Variants in FAM131B observed in about 807,000 individuals in gnomAD.
FAM131B encodes protein FAM131B.
Under a neutral mutation model 42.0 loss-of-function variants are expected in FAM131B, and 19 were observed. That is an observed-to-expected ratio of 0.45 (90% CI 0.32 to 0.66). The LOEUF is 0.66. Among genes scored for constraint, FAM131B ranks in the 30% least tolerant of loss-of-function variants. The pLI is 0.05. For missense variants in FAM131B, 370 were observed against 468.4 expected, an observed-to-expected ratio of 0.79 and a Z score of 1.94; for synonymous variants, 183 against 177.6, an observed-to-expected ratio of 1.03 and a Z score of -0.24.
At chr7:143,361,601 A>C (rs2116477593) in intron 1 of FAM131B, 1 of 144,564 alleles carries the variant, frequency 6.9e-6, no homozygotes, top group African/African-American at 2.5e-5. Context: ...AGGCGGGAGA[A>C]ATTGGGAGTT....
Position 143,354,559 on chromosome 7 carries a change from G to A in FAM131B, c.*1991C>T, listed in dbSNP as rs967262840. The A allele has an allele frequency of 6.6e-6, 1 of 152,196 alleles. No homozygotes were observed. The highest frequency in any genetic ancestry group is 1.5e-5 in the Non-Finnish European group (1 of 68,074). 9.4% of individuals were successfully genotyped at this position (152,196 alleles called of 1,614,324 possible). A position where few individuals can be genotyped will look rare whatever the true frequency, so the allele number is the denominator to read the frequency against. ...AACCCCAGAGCCTGCAGCAGGAGACGGGTGGGGAATAGCTGCCAGGGCGGG... is the reference window on the plus strand; with the variant it reads ...AACCCCAGAGCCTGCAGCAGGAGACAGGTGGGGAATAGCTGCCAGGGCGGG... On this transcript the variant is annotated 3_prime_UTR_variant, in exon 7 of 7. Coordinates refer to ENST00000443739, the MANE Select transcript of FAM131B (RefSeq NM_001031690.3).
chr7:143,372,051 AGAG>A, the FAM131B span, among the ~76,000 whole-genome samples: 39 of 152,266 alleles, frequency 2.6e-4, no homozygotes, highest in Middle Eastern at 3.4e-3. Flanking sequence ...ATGTGGAGAG[AGAG>A]GAGAAGGTCT....
the FAM131B span, chr7:143,380,632 G>A: frequency 1.0e-6 from 1 of 985,534 alleles, no homozygotes; most frequent in Non-Finnish European, 1.2e-6. The surrounding 1 kb of genome is among the most constrained non-coding windows in gnomAD (Gnocchi z 5.0). Context: ...GGGCGCTGGG[G>A]ATGCGAATTC....
At chr7:143,363,596 G>A (rs1157587064), upstream of FAM131B, among the ~76,000 whole-genome samples, 2 of 152,172 alleles carry the variant, frequency 1.3e-5, no homozygotes, top group East Asian at 3.8e-4. Flanking sequence ...AGGAGATGAA[G>A]GTCTAAGTTG....
Position 143,359,464 on chromosome 7 carries a change from C to T in FAM131B, c.175-45G>A, listed in dbSNP as rs1056647220. ...GGAAGGGCAGAGGAATAAGAAGGTA[C>T]GGGCGTGCTTTATACATGGAGGAGG... On this transcript the variant is annotated intron_variant, in intron 3 of 6. Coordinates refer to ENST00000443739, the MANE Select transcript of FAM131B (RefSeq NM_001031690.3). This position sits in a 1 kb window ranked among gnomAD's most constrained non-coding sequence, Gnocchi z 5.4. 16 of 1,456,340 alleles carry T rather than the reference C, an allele frequency of 1.1e-5. No homozygotes were observed. Among genetic ancestry groups the T allele is most frequent in the Middle Eastern group, 1.7e-4 (1 of 5,786 alleles). 90.2% of individuals were successfully genotyped at this position (1,456,340 alleles called of 1,614,324 possible). A position where few individuals can be genotyped will look rare whatever the true frequency, so the allele number is the denominator to read the frequency against.
chr7:143,367,138 T>C (rs1174253924), upstream of FAM131B, among the ~76,000 whole-genome samples: 1 of 152,168 alleles, frequency 6.6e-6, no homozygotes, highest in East Asian at 1.9e-4. Context: ...AATCAACAGA[T>C]GAGGGTCCTG....
upstream of FAM131B, among the ~76,000 whole-genome samples, chr7:143,365,535 A>G (rs964297602): frequency 6.6e-6 from 1 of 152,214 alleles, no homozygotes; most frequent in African/African-American, 2.4e-5. Flanking sequence ...TGATAATTCA[A>G]TTAACTTCCT....
At chr7:143,373,072 T>C in the FAM131B span, among the ~76,000 whole-genome samples, 22 of 152,128 alleles carry the variant, frequency 1.4e-4, no homozygotes, top group African/African-American at 4.6e-4. Flanking sequence ...ATTTATTTTT[T>C]TTCTTTTTAT....
upstream of FAM131B, among the ~76,000 whole-genome samples, chr7:143,366,339 A>G (rs1406997084): frequency 6.6e-6 from 1 of 152,146 alleles, no homozygotes; most frequent in African/African-American, 2.4e-5. Context: ...TACTGATGAT[A>G]AGTGTCTTAG....
the FAM131B span, chr7:143,381,851 G>A: frequency 7.2e-7 from 1 of 1,391,696 alleles, no homozygotes; most frequent in Non-Finnish European, 9.6e-7. Flanking sequence ...GGGAATTTGG[G>A]GATGTCTGGA....
chr7:143,382,089 C>T, the FAM131B span: 37 of 659,416 alleles, frequency 5.6e-5, no homozygotes, highest in South Asian at 6.7e-4. Context: ...CTTTCCTGAC[C>T]TGGTACTCCC....
At chr7:143,375,536 C>T in the FAM131B span, among the ~76,000 whole-genome samples, 2 of 152,148 alleles carry the variant, frequency 1.3e-5, no homozygotes, top group African/African-American at 4.8e-5. Context: ...GAAGGGCAGC[C>T]TAAGGAAGCT....
chr7:143,380,774 A>C, the FAM131B span: 3 of 984,558 alleles, frequency 3.0e-6, no homozygotes, highest in Non-Finnish European at 3.6e-6. The surrounding 1 kb of genome is among the most constrained non-coding windows in gnomAD (Gnocchi z 5.0). Context: ...CCCGCTCCTC[A>C]CCCCCCATCC....
chr7:143,361,370 A>C (rs1263093938), intron 1 of FAM131B: 1 of 124,358 alleles, frequency 8.0e-6, no homozygotes, highest in Non-Finnish European at 1.7e-5. Flanking sequence ...GTGCGGGGGG[A>C]GAGGGGAGCG....
chr7:143,375,327 G>A, the FAM131B span, among the ~76,000 whole-genome samples: 1 of 152,154 alleles, frequency 6.6e-6, no homozygotes, highest in Non-Finnish European at 1.5e-5. Context: ...CTAGCTGAAT[G>A]GCACGACTGT....
chr7:143,360,082 G>T lies in FAM131B; in HGVS notation c.96C>A (p.Thr32=). ...GGAGGCTGCTCCCGTGCAGTGAGCTGGTGCTGTCCATGTTGATTTGATCGA... is the reference window on the plus strand; with the variant it reads ...GGAGGCTGCTCCCGTGCAGTGAGCTTGTGCTGTCCATGTTGATTTGATCGA... ...KDVDQINMDS[T]SSLHGSSLHR... The change falls in exon 2 of 7, where the codon ACC becomes ACA. Residue 32 remains threonine, a synonymous_variant. Coordinates refer to ENST00000443739, the MANE Select transcript of FAM131B (RefSeq NM_001031690.3). 1 of 1,613,966 alleles carries T rather than the reference G, an allele frequency of 6.2e-7. No individual in the cohort carries two copies. The highest frequency in any genetic ancestry group is 8.5e-7 in the Non-Finnish European group (1 of 1,179,946).
upstream of FAM131B, among the ~76,000 whole-genome samples, chr7:143,363,627 TG>T: frequency 6.6e-6 from 1 of 151,402 alleles, no homozygotes; most frequent in Non-Finnish European, 1.5e-5. Flanking sequence ...ATGAGCACTG[TG>T]GTTACAGCAG....
chr7:143,361,914 T>A, intron 1 of FAM131B: 2 of 268,608 alleles, frequency 7.4e-6, no homozygotes, highest in African/African-American at 2.6e-5. Flanking sequence ...CCCCATCTCC[T>A]CCCCGCGTCC....
chr7:143,381,860 G>A, the FAM131B span: 1 of 1,357,702 alleles, frequency 7.4e-7, no homozygotes, highest in Non-Finnish European at 9.8e-7. Flanking sequence ...GGGATGTCTG[G>A]AAAGGTTGTT....
Sources: gnomAD v4.1 joint callset for allele counts (sites outside exome capture counted in the v4.1 genomes callset) on GRCh38, gnomAD v4.1.1 for gene constraint, Gnocchi (gnomAD v3.1) non-coding constraint, MANE v1.5 for transcripts, NCBI Gene and HGNC (gene_info 2026-07-23, HGNC 2026-07-21) for gene names.